CSF2RA: variants seen among roughly 807,000 people sequenced by gnomAD.
The protein encoded by CSF2RA is colony stimulating factor 2 receptor subunit alpha.
CSF2RA carries 42 observed loss-of-function variants against 51.6 expected under a neutral mutation model. The observed-to-expected ratio is 0.81, with a 90% confidence interval of 0.64 to 1.05. The LOEUF (loss-of-function observed/expected upper bound fraction) is 1.05, where lower values mean the gene tolerates loss of function less well. Among genes scored for constraint, CSF2RA ranks in the 50% least tolerant of loss-of-function variants. CSF2RA has a pLI of 0.00. For missense variants in CSF2RA, 530 were observed against 501.1 expected, an observed-to-expected ratio of 1.06 and a Z score of -0.55; for synonymous variants, 222 against 193.0, an observed-to-expected ratio of 1.15 and a Z score of -1.24.
At chrX:1,302,469 C>A (rs760629618) in intron 10 of CSF2RA, among the ~76,000 whole-genome samples, 8 of 151,862 alleles carry the variant, frequency 5.3e-5, no homozygotes, top group Non-Finnish European at 7.4e-5. Flanking sequence ...TCTGGTGGGC[C>A]GGGGTGACTG....
intron 9 of CSF2RA, chrX:1,295,718 G>C (rs779683743): frequency 1.5e-6 from 1 of 646,432 alleles, no homozygotes; most frequent in East Asian, 2.7e-5. Flanking sequence ...GTGTAAGGAG[G>C]AGGAGACCCT....
intron 1 of CSF2RA, among the ~76,000 whole-genome samples, chrX:1,269,244 G>A (rs2088010589): frequency 6.6e-6 from 1 of 152,188 alleles, no homozygotes. Context: ...ACATTGCTAA[G>A]CTACAGGGCG....
At position 1,294,465 on chromosome X, in the gene CSF2RA, G is replaced by T. The variant is rs1467836447; in HGVS notation, c.780+4G>T. The T allele has an allele frequency of 1.2e-6, 2 of 1,613,770 alleles. No individual in the cohort carries two copies. Among genetic ancestry groups the T allele is most frequent in the Admixed American group, 1.7e-5 (1 of 59,982 alleles). ...CCAGCTGGACGTCCACAGAAAGGTCGGTGAGAGCTCCCCGGGGCTGGGCAC... is the reference window on the plus strand; with the variant it reads ...CCAGCTGGACGTCCACAGAAAGGTCTGTGAGAGCTCCCCGGGGCTGGGCAC... On this transcript the variant is annotated splice_donor_region_variant and intron_variant, in intron 8 of 12. Coordinates refer to ENST00000381529, the MANE Select transcript of CSF2RA (RefSeq NM_172245.4).
chrX:1,317,530 C>T, the CSF2RA span, among the ~76,000 whole-genome samples: 16 of 150,354 alleles, frequency 1.1e-4, 1 homozygote, highest in African/African-American at 3.2e-4. Context: ...GGGTTGCAGG[C>T]GTGAGCCACC....
chrX:1,302,143 T>A (rs185131197), intron 10 of CSF2RA, among the ~76,000 whole-genome samples: 1 of 151,404 alleles, frequency 6.6e-6, no homozygotes, highest in Non-Finnish European at 1.5e-5. Context: ...CTTGAACTCC[T>A]GACCTCAGGT....
chrX:1,280,931 C>CCTCCTCCTCCTCCTT (rs1569494389), intron 2 of CSF2RA, among the ~76,000 whole-genome samples: 68 of 112,730 alleles, frequency 6.0e-4, no homozygotes, highest in African/African-American at 1.8e-3. Context: ...TCCTCCTTCT[C>CCTCCTCCTCCTCCTT]CTCCTCCTCC....
intron 1 of CSF2RA, 50 bp from the exon 2 acceptor site, chrX:1,274,705 C>G (rs1239743686): frequency 2.2e-6 from 1 of 452,124 alleles, no homozygotes; most frequent in Non-Finnish European, 4.4e-6. Context: ...ACAGTTTCCA[C>G]TATAACCTTT....
intron 5 of CSF2RA, 49 bp from the exon 6 acceptor site, chrX:1,288,710 T>A: frequency 1.9e-6 from 3 of 1,613,862 alleles, no homozygotes; most frequent in Non-Finnish European, 2.5e-6. Context: ...TCAAAGTACA[T>A]CCCGTTGAAC....
rs183058979 is a variant in CSF2RA, at chrX:1,307,520, C to G, written c.1126-1882C>G. On this transcript the variant is annotated intron_variant, in intron 12 of 12. Coordinates refer to ENST00000381529, the MANE Select transcript of CSF2RA (RefSeq NM_172245.4). ...TGAGGCCCACTCTCCCCGTTTAGAC[C>G]TTTGACTGATTAGATGAAGCCCACG... Among the ~76,000 whole-genome samples the G allele has an allele frequency of 8.8e-3, 1,333 of 151,568 alleles. 50 individuals are homozygous for G. The highest frequency in any genetic ancestry group is 0.031 in the Middle Eastern group (9 of 288).
At chrX:1,287,457 T>G (rs73177310) in intron 4 of CSF2RA, among the ~76,000 whole-genome samples, 58,373 of 148,160 alleles carry the variant, frequency 0.39, 12,939 homozygotes, top group Non-Finnish European at 0.49. Context: ...CGACCTTTAT[T>G]TTTTGGGATG....
intron 3 of CSF2RA, among the ~76,000 whole-genome samples, chrX:1,283,279 A>C: frequency 8.0e-6 from 1 of 124,462 alleles, no homozygotes; most frequent in African/African-American, 3.2e-5. Context: ...CTCCCTCCTG[A>C]TTCATTTCTT....
intron 9 of CSF2RA, chrX:1,300,243 T>A (rs868528904): frequency 5.1e-6 from 2 of 394,078 alleles, no homozygotes; most frequent in East Asian, 4.5e-5. Flanking sequence ...TAAAATAAAA[T>A]AAAAAAGCTT....
At chrX:1,320,147 G>A in the CSF2RA span, among the ~76,000 whole-genome samples, 6 of 151,744 alleles carry the variant, frequency 4.0e-5, no homozygotes, top group South Asian at 2.1e-4. Flanking sequence ...CACCTGCCTC[G>A]GCCTCCCAAA....
chrX:1,278,626 C>G (rs780584410), intron 2 of CSF2RA, among the ~76,000 whole-genome samples: 2 of 145,050 alleles, frequency 1.4e-5, no homozygotes, highest in South Asian at 4.4e-4. Flanking sequence ...ACGGAGGTTG[C>G]AGTGAGCCGA....
chrX:1,305,462 C>T lies in CSF2RA; in HGVS notation c.1060C>T (p.Arg354Trp), dbSNP rs747427634. The T allele has an allele frequency of 6.2e-6, 10 of 1,613,934 alleles. No homozygotes were observed. The highest frequency in any genetic ancestry group is 4.4e-5 in the South Asian group (4 of 91,072). The change falls in exon 12 of 13, where the codon CGG becomes TGG. Residue 354 changes from arginine to tryptophan, a missense_variant. Transcript: ENST00000381529. ...GTGTCTCAGGTTCCTTAGGATACAGCGGCTGTTCCCGCCAGTTCCACAGAT... is the reference window on the plus strand; with the variant it reads ...GTGTCTCAGGTTCCTTAGGATACAGTGGCTGTTCCCGCCAGTTCCACAGAT... ...FLFKRFLRIQ[R>W]LFPPVPQIKD... is the part of the protein sequence containing the mutation.
Position 1,288,538 on chromosome X carries a change from C to A in CSF2RA, c.239C>A (p.Ser80Ter). The A allele has an allele frequency of 6.2e-7, 1 of 1,613,888 alleles. No individual in the cohort carries two copies. The highest frequency in any genetic ancestry group is 8.5e-7 in the Non-Finnish European group (1 of 1,179,856). Residue 80 changes from serine (S) to a stop codon, truncating the protein, a stop_gained, in exon 5 of 13, where the codon TCG (serine) becomes TAG (stop). Coordinates refer to ENST00000381529, the MANE Select transcript of CSF2RA (RefSeq NM_172245.4). LOFTEE classifies it high-confidence loss of function. ...CTTCAGCTCAGTAACAACGAATGTTCGTGCACATTTCGTGAAATTTGTCTG... is the reference window on the plus strand; with the variant it reads ...CTTCAGCTCAGTAACAACGAATGTTAGTGCACATTTCGTGAAATTTGTCTG... Reference protein sequence around the residue: ...VEPRLSNNECSCTFREICLHE... With the variant: ...VEPRLSNNEC
intron 6 of CSF2RA, among the ~76,000 whole-genome samples, chrX:1,289,817 TTGTTTTG>T (rs1372298912): frequency 6.6e-6 from 1 of 150,586 alleles, no homozygotes; most frequent in Non-Finnish European, 1.5e-5. Flanking sequence ...GTGTTTTGTT[TTGTTTTG>T]TGTTTGTTTT....
chrX:1,301,763 A>AT (rs1194794947), intron 10 of CSF2RA, among the ~76,000 whole-genome samples: 4 of 148,740 alleles, frequency 2.7e-5, no homozygotes, highest in Non-Finnish European at 4.5e-5. Context: ...CGCCTGGCTA[A>AT]TTTTTTGTAT....
the CSF2RA span, among the ~76,000 whole-genome samples, chrX:1,317,568 A>ATTT: frequency 1.9e-5 from 2 of 105,232 alleles, no homozygotes. Context: ...TTTTTATTTT[A>ATTT]TTTTATTTTT....
Sources: allele counts gnomAD v4.1 joint callset (sites outside exome capture counted in the v4.1 genomes callset), GRCh38; gene constraint gnomAD v4.1.1; transcripts MANE v1.5; gene names NCBI Gene and HGNC (gene_info 2026-07-23, HGNC 2026-07-21).